Variants in TMEM123 observed in about 807,000 individuals in gnomAD.
TMEM123 encodes transmembrane protein 123.
A neutral mutation model predicts 19.7 loss-of-function variants in TMEM123; 16 were observed. The observed-to-expected ratio is 0.81, with a 90% CI of 0.55 to 1.23. The LOEUF (loss-of-function observed/expected upper bound fraction) is 1.23, where lower values mean the gene tolerates loss of function less well. Ranked by LOEUF, TMEM123 falls within the 50% of genes most tolerant of loss-of-function variation. TMEM123 has a pLI of 0.00. For synonymous variants in TMEM123, 118 were observed against 99.4 expected, an observed-to-expected ratio of 1.19 and a Z score of -1.12; for missense variants, 313 against 257.8, an observed-to-expected ratio of 1.21 and a Z score of -1.47.
intron 2 of TMEM123, among the ~76,000 whole-genome samples, chr11:102,431,847 T>G (rs1394006308): frequency 2.0e-5 from 3 of 152,156 alleles, no homozygotes; most frequent in Non-Finnish European, 4.4e-5. Context: ...CCCCATGCTG[T>G]TCCCATGATA....
intron 2 of TMEM123, among the ~76,000 whole-genome samples, chr11:102,442,758 C>G (rs1453014566): frequency 6.6e-6 from 1 of 152,186 alleles, no homozygotes; most frequent in Non-Finnish European, 1.5e-5. Flanking sequence ...GTCAAATTGT[C>G]CCTGTTTGCA....
At chr11:102,440,092 C>T (rs555981620) in intron 2 of TMEM123, among the ~76,000 whole-genome samples, 2 of 152,264 alleles carry the variant, frequency 1.3e-5, no homozygotes, top group African/African-American at 4.8e-5. Context: ...CTGAAAGTGA[C>T]GGGGAGCGTG....
intron 2 of TMEM123, among the ~76,000 whole-genome samples, chr11:102,439,295 T>C (rs1339537424): frequency 6.6e-6 from 1 of 152,080 alleles, no homozygotes; most frequent in Non-Finnish European, 1.5e-5. Context: ...GACTGCCTCC[T>C]AAAGTGGGTC....
intron 3 of TMEM123, 110 bp from the exon 4 acceptor site, chr11:102,401,802 G>A (rs918859636): frequency 1.3e-6 from 2 of 1,492,204 alleles, no homozygotes; most frequent in Non-Finnish European, 9.0e-7. Flanking sequence ...AGGAATTAAG[G>A]GAAATCTAGG....
chr11:102,402,457 A>C (rs1432056693), intron 2 of TMEM123, among the ~76,000 whole-genome samples: 1 of 152,094 alleles, frequency 6.6e-6, no homozygotes, highest in African/African-American at 2.4e-5. Flanking sequence ...AGAAAAAAAA[A>C]AACAACCCAG....
chr11:102,451,595 TACTTA>T (rs895229271), intron 1 of TMEM123, among the ~76,000 whole-genome samples: 1 of 152,152 alleles, frequency 6.6e-6, no homozygotes, highest in African/African-American at 2.4e-5. Context: ...AACCTTGGGT[TACTTA>T]ACTTATCCTA....
chr11:102,452,235 C>T, intron 1 of TMEM123: 1 of 320,414 alleles, frequency 3.1e-6, no homozygotes, highest in Non-Finnish European at 5.7e-6. Context: ...TAAAAACCAA[C>T]TTGCGGTAAC....
chr11:102,424,876 AC>A (rs1400236540), intron 2 of TMEM123, among the ~76,000 whole-genome samples: 1 of 152,198 alleles, frequency 6.6e-6, no homozygotes, highest in East Asian at 1.9e-4. Flanking sequence ...CCTCCAGAAC[AC>A]CCAATGCTGT....
intron 4 of TMEM123, among the ~76,000 whole-genome samples, chr11:102,400,020 G>GTAAT (rs1951897327): frequency 6.6e-6 from 1 of 151,956 alleles, no homozygotes; most frequent in Admixed American, 6.6e-5. Flanking sequence ...TTAAGTATTA[G>GTAAT]TAATATAACT....
intron 1 of TMEM123, among the ~76,000 whole-genome samples, chr11:102,451,981 G>C (rs1376825996): frequency 6.6e-6 from 1 of 152,226 alleles, no homozygotes; most frequent in African/African-American, 2.4e-5. Flanking sequence ...CTCCCAACTA[G>C]CTCCAAGAGC....
At chr11:102,446,179 A>C (rs1262409687) in intron 2 of TMEM123, among the ~76,000 whole-genome samples, 1 of 152,226 alleles carries the variant, frequency 6.6e-6, no homozygotes, top group African/African-American at 2.4e-5. Flanking sequence ...GCTCAAACCC[A>C]TTATGAAAAA....
chr11:102,412,235 AG>A (rs1952011421), intron 2 of TMEM123, among the ~76,000 whole-genome samples: 1 of 152,196 alleles, frequency 6.6e-6, no homozygotes, highest in African/African-American at 2.4e-5. Flanking sequence ...GTTCAAGACC[AG>A]CCTGACCCAA....
intron 2 of TMEM123, among the ~76,000 whole-genome samples, chr11:102,407,587 T>A (rs1041050276): frequency 2.0e-5 from 3 of 152,204 alleles, no homozygotes; most frequent in Admixed American, 6.5e-5. Context: ...GGCTTATTTA[T>A]CCATTATGGT....
At chr11:102,434,059 G>C (rs1382897587) in intron 2 of TMEM123, among the ~76,000 whole-genome samples, 1 of 151,920 alleles carries the variant, frequency 6.6e-6, no homozygotes, top group Non-Finnish European at 1.5e-5. Flanking sequence ...ACATGGGAGT[G>C]CAGGCATCTT....
intron 1 of TMEM123, among the ~76,000 whole-genome samples, chr11:102,450,384 A>C (rs1857925763): frequency 6.6e-6 from 1 of 152,184 alleles, no homozygotes; most frequent in African/African-American, 2.4e-5. Context: ...AGTAATGACT[A>C]ACAGCCGCCC....
chr11:102,420,036 C>A (rs2135851836), intron 2 of TMEM123, among the ~76,000 whole-genome samples: 1 of 152,294 alleles, frequency 6.6e-6, no homozygotes, highest in Admixed American at 6.5e-5. Context: ...TACTGGAAGG[C>A]AATGGGGAAG....
intron 2 of TMEM123, among the ~76,000 whole-genome samples, chr11:102,420,209 C>T (rs1159004989): frequency 6.6e-6 from 1 of 152,144 alleles, no homozygotes; most frequent in Non-Finnish European, 1.5e-5. Context: ...GGCTCCCTTG[C>T]CCCCCAAGGC....
intron 2 of TMEM123, among the ~76,000 whole-genome samples, chr11:102,445,613 T>C (rs938408566): frequency 6.6e-6 from 1 of 152,232 alleles, no homozygotes; most frequent in African/African-American, 2.4e-5. Context: ...AGTAAGACTT[T>C]CATTGTTGCA....
At chr11:102,433,062 G>A (rs1364555658) in intron 2 of TMEM123, among the ~76,000 whole-genome samples, 2 of 151,988 alleles carry the variant, frequency 1.3e-5, no homozygotes, top group Non-Finnish European at 2.9e-5. Flanking sequence ...ACTCTGCTAG[G>A]GCAGTGCAGA....
Sources: allele counts gnomAD v4.1 joint callset (sites outside exome capture counted in the v4.1 genomes callset), GRCh38; gene constraint gnomAD v4.1.1; transcripts MANE v1.5; gene names NCBI Gene and HGNC (gene_info 2026-07-23, HGNC 2026-07-21).